Variants in MRPS7 observed in about 807,000 individuals in gnomAD.
MRPS7 encodes mitochondrial ribosomal protein S7, also known as small ribosomal subunit protein uS7m.
MRPS7 carries 13 observed loss-of-function variants against 26.2 expected under a neutral mutation model. That is an observed-to-expected ratio of 0.50 (90% confidence interval 0.32 to 0.79). The LOEUF is 0.79. Among genes scored for constraint, MRPS7 ranks in the 30% least tolerant of loss-of-function variants. The pLI is 0.03. For missense variants in MRPS7, 318 were observed against 312.2 expected, an observed-to-expected ratio of 1.02 and a Z score of -0.14; for synonymous variants, 129 against 113.3, an observed-to-expected ratio of 1.14 and a Z score of -0.88.
chr17:75,261,976 C>T lies in MRPS7; in HGVS notation c.76C>T (p.Leu26Phe), dbSNP rs2077403006. 2 of 1,597,190 alleles carry T rather than the reference C, an allele frequency of 1.3e-6. No homozygotes were observed. Among genetic ancestry groups the T allele is most frequent in the African/African-American group, 1.4e-5 (1 of 71,584 alleles). Residue 26 changes from leucine (L) to phenylalanine (F), a missense_variant, in exon 1 of 5, where the codon CTT becomes TTT. Leu to Phe is a conservative substitution (Grantham distance 22). Transcript: ENST00000245539. ...ALGVRRAVLQLPGLTQVRWSR... is the reference protein window; with the variant it reads ...ALGVRRAVLQFPGLTQVRWSR... ...GGGCGTGCGGCGGGCTGTCTTGCAGCTTCCAGGGTGAGAGGGTGGCGAGCA... is the reference window on the plus strand; with the variant it reads ...GGGCGTGCGGCGGGCTGTCTTGCAGTTTCCAGGGTGAGAGGGTGGCGAGCA...
chr17:75,261,981 A>T lies in MRPS7; in HGVS notation c.81A>T (p.Pro27=). ...LGVRRAVLQL[P]GLTQVRWSRY... ...TGCGGCGGGCTGTCTTGCAGCTTCC[A>T]GGGTGAGAGGGTGGCGAGCAGCGGC... is the stretch of plus-strand genomic sequence containing the variant. Residue 27 remains proline (P), a splice_region_variant and synonymous_variant, in exon 1 of 5, where the codon CCA becomes CCT. Transcript: ENST00000245539. The T allele has an allele frequency of 1.9e-6, 3 of 1,568,654 alleles. No homozygotes were observed. Among genetic ancestry groups the T allele is most frequent in the Non-Finnish European group, 2.6e-6 (3 of 1,167,736 alleles).
Position 75,266,160 on chromosome 17 carries a change from C to T in MRPS7, c.*237C>T. 1.8e-6 allele frequency: 1 copy of T among 552,744 alleles called. No homozygotes were observed. The highest frequency in any genetic ancestry group is 1.9e-5 in the African/African-American group (1 of 53,080). The allele number at this position is 552,744 out of a possible 1,614,324, so 34.2% of individuals were successfully genotyped here. A position where few individuals can be genotyped will look rare whatever the true frequency, so the allele number is the denominator to read the frequency against. On this transcript the variant is annotated 3_prime_UTR_variant, in exon 5 of 5. Coordinates refer to ENST00000245539, the MANE Select transcript of MRPS7 (RefSeq NM_015971.4). ...AGCACATTGACTTGGGAATTTCCTC[C>T]AGGAAACTCAGGGCTGTTTTCTCTT...
In MRPS7 at chr17:75,262,858, C is replaced by T. The variant is rs376298524; in HGVS notation, c.330C>T (p.Leu110=). ...IGGNKVLARS[L]MIQTLEAVKR... ...GAAACAAAGTACTGGCCAGATCCCT[C>T]ATGATTCAGGTAAACAGCACTTCCC... The change falls in exon 3 of 5, where the codon CTC becomes CTT. Residue 110 remains leucine, a synonymous_variant. Transcript: ENST00000245539. The T allele has an allele frequency of 4.3e-6, 7 of 1,614,004 alleles. No homozygotes were observed. In the African/African-American group the frequency reaches 8.0e-5, roughly 18 times the overall value.
Position 75,265,732 on chromosome 17 carries a change from C to A in MRPS7, c.538C>A (p.Arg180Ser). 1 of 1,614,082 alleles carries A rather than the reference C, an allele frequency of 6.2e-7. No individual in the cohort carries two copies. The highest frequency in any genetic ancestry group is 1.1e-5 in the South Asian group (1 of 91,084). ...TGTACCCCTACCCGACCGGCGTCGC[C>A]GCTTCCTAGCCATGAAGTGGATGAT... is the stretch of plus-strand genomic sequence containing the variant. Reference protein sequence around the residue: ...VPVPLPDRRRRFLAMKWMITE... With the variant: ...VPVPLPDRRRSFLAMKWMITE... The change falls in exon 5 of 5, where the codon CGC becomes AGC. Residue 180 changes from arginine to serine, a missense_variant. Physicochemically the swap from Arg to Ser is moderately radical, Grantham distance 110. Transcript: ENST00000245539.
At position 75,262,408 on chromosome 17, in the gene MRPS7, G is replaced by C. The variant is rs532952364; in HGVS notation, c.84-89G>C. On this transcript the variant is annotated intron_variant, in intron 1 of 4. Coordinates refer to ENST00000245539, the MANE Select transcript of MRPS7 (RefSeq NM_015971.4). ...GTCTCCGCGCCGCTCCCCCTCGTCG[G>C]CGCGTTGGCAGTCATGCCTATTGTT... is the stretch of plus-strand genomic sequence containing the variant. 3.5e-6 allele frequency: 5 copies of C among 1,429,996 alleles called. No homozygotes were observed. In the Admixed American group the frequency reaches 8.2e-5, roughly 23 times the overall value. 88.6% of individuals were successfully genotyped at this position (1,429,996 alleles called of 1,614,324 possible).
Position 75,265,977 on chromosome 17 carries a change from GC to G in MRPS7, c.*56del. Reference sequence around the variant, plus strand: ...GCCGCAAGAAACAGTGTGAGCTACTGCCACGCTGAAAACTACCTGTGGGTTA... The same window carrying G: ...GCCGCAAGAAACAGTGTGAGCTACTGCACGCTGAAAACTACCTGTGGGTTA... On this transcript the variant is annotated 3_prime_UTR_variant, in exon 5 of 5. Transcript: ENST00000245539. 1 of 1,546,278 alleles carries G rather than the reference GC, an allele frequency of 6.5e-7. No homozygotes were observed. Among genetic ancestry groups the G allele is most frequent in the Non-Finnish European group, 8.9e-7 (1 of 1,126,634 alleles).
intron 2 of MRPS7, 58 bp downstream of exon 2, chr17:75,262,746 G>A: frequency 1.2e-6 from 2 of 1,613,774 alleles, no homozygotes; most frequent in Non-Finnish European, 1.7e-6. Flanking sequence ...GAGGGTTTCT[G>A]GTGAGGATTC....
intron 4 of MRPS7, 124 bp from the exon 5 acceptor site, chr17:75,265,578 C>G (rs1307204987): frequency 1.2e-6 from 1 of 810,246 alleles, no homozygotes; most frequent in East Asian, 2.6e-5. Context: ...AGGCCCTTCT[C>G]CCCAGGCCTG....
intron 4 of MRPS7, among the ~76,000 whole-genome samples, chr17:75,264,778 C>A (rs770932794): frequency 1.3e-4 from 19 of 150,558 alleles, no homozygotes; most frequent in Non-Finnish European, 2.8e-4. Flanking sequence ...CTCCCGGGTT[C>A]AAGAGATTCT....
rs2077409055 is a variant in MRPS7 at position 75,262,098 on chromosome 17, C to G, written c.83+115C>G. On this transcript the variant is annotated intron_variant, in intron 1 of 4. Coordinates refer to ENST00000245539, the MANE Select transcript of MRPS7 (RefSeq NM_015971.4). Reference sequence around the variant, plus strand: ...CCCTGGGGGCCGGAGTATCTGGATTCAAGCTTCTAAGTTAGCTGCGTGACC... The same window carrying G: ...CCCTGGGGGCCGGAGTATCTGGATTGAAGCTTCTAAGTTAGCTGCGTGACC... 3.1e-6 allele frequency: 4 copies of G among 1,273,134 alleles called. No homozygotes were observed. In the African/African-American group the frequency reaches 5.9e-5, roughly 19 times the overall value. The allele number at this position is 1,273,134 out of a possible 1,614,324, so 78.9% of individuals were successfully genotyped here. A position where few individuals can be genotyped will look rare whatever the true frequency, so the allele number is the denominator to read the frequency against.
chr17:75,263,595 C>T, intron 4 of MRPS7, 88 bp downstream of exon 4: 1 of 1,528,664 alleles, frequency 6.5e-7, no homozygotes, highest in East Asian at 2.3e-5. Flanking sequence ...AGATTGATAG[C>T]TTTCTAGCTG....
At chr17:75,263,547 A>G (rs761038942) in intron 4 of MRPS7, 40 bp downstream of exon 4, 17 of 1,611,222 alleles carry the variant, frequency 1.1e-5, no homozygotes, top group East Asian at 6.7e-5. Context: ...GGCCCTCCAC[A>G]TGTGAAACAA....
intron 3 of MRPS7, 151 bp from the exon 4 acceptor site, chr17:75,263,189 G>A: frequency 3.4e-6 from 3 of 882,232 alleles, no homozygotes; most frequent in South Asian, 3.4e-5. Context: ...AAAGGGGGAG[G>A]CACTTAAAAA....
rs1173814294 is a variant in MRPS7 at position 75,263,358 on chromosome 17, A to G, written c.358A>G (p.Arg120Gly). The G allele has an allele frequency of 6.2e-7, 1 of 1,614,128 alleles. No homozygotes were observed. The highest frequency in any genetic ancestry group is 8.5e-7 in the Non-Finnish European group (1 of 1,180,026). The change falls in exon 4 of 5, where the codon AGG (arginine) becomes GGG (glycine). Residue 120 changes from arginine to glycine, a missense_variant. Arg to Gly is a moderately radical substitution (Grantham distance 125). Coordinates refer to ENST00000245539, the MANE Select transcript of MRPS7 (RefSeq NM_015971.4). ...TTTGCAGACTCTGGAAGCTGTGAAAAGGAAGCAGTTTGAGAAGTACCATGC... is the reference window on the plus strand; with the variant it reads ...TTTGCAGACTCTGGAAGCTGTGAAAGGGAAGCAGTTTGAGAAGTACCATGC... The part of the protein sequence containing the change: ...LMIQTLEAVK[R>G]KQFEKYHAAS...
chr17:75,262,715 A>C (rs764212205), intron 2 of MRPS7, 27 bp downstream of exon 2: 4 of 1,613,942 alleles, frequency 2.5e-6, no homozygotes, highest in Non-Finnish European at 3.4e-6. Flanking sequence ...CACTTGTTAC[A>C]TGGACTGGGA....
intron 1 of MRPS7, chr17:75,262,236 C>T (rs763249965): frequency 2.2e-5 from 14 of 636,862 alleles, no homozygotes; most frequent in Non-Finnish European, 3.0e-5. Flanking sequence ...GATCTGGGAT[C>T]GCCTGTGAAT....
Position 75,263,376 on chromosome 17 carries a change from TA to T in MRPS7, c.377del (p.Tyr126SerfsTer24). 6.2e-7 allele frequency: 1 copy of T among 1,614,090 alleles called. No individual in the cohort carries two copies. The highest frequency in any genetic ancestry group is 8.5e-7 in the Non-Finnish European group (1 of 1,180,032). ...EAVKRKQFEK[Y>X]HAASAEEQAT... is the part of the protein sequence containing the mutation. ...TGTGAAAAGGAAGCAGTTTGAGAAG[TA>T]CCATGCCGCTTCTGCAGAGGAACAG... On this transcript the variant is annotated frameshift_variant, in exon 4 of 5. Coordinates refer to ENST00000245539, the MANE Select transcript of MRPS7 (RefSeq NM_015971.4). LOFTEE classifies it high-confidence loss of function.
intron 1 of MRPS7, 173 bp from the exon 2 acceptor site, chr17:75,262,324 G>A: frequency 1.3e-6 from 1 of 767,278 alleles, no homozygotes; most frequent in African/African-American, 1.7e-5. Context: ...GCCTGCTTGG[G>A]GAATGTCCTC....
chr17:75,263,122 A>G, intron 3 of MRPS7: 2 of 604,430 alleles, frequency 3.3e-6, no homozygotes, highest in Non-Finnish European at 5.6e-6. Context: ...TCCCCACCTC[A>G]CCCCCCACCC....
Sources: gnomAD v4.1 joint callset for allele counts (sites outside exome capture counted in the v4.1 genomes callset) on GRCh38, gnomAD v4.1.1 for gene constraint, MANE v1.5 for transcripts, NCBI Gene and HGNC (gene_info 2026-07-23, HGNC 2026-07-21) for gene names.